Variants in MINDY3 observed in about 807,000 individuals in gnomAD.
The protein encoded by MINDY3 is ubiquitin carboxyl-terminal hydrolase MINDY-3.
In MINDY3, 38 loss-of-function variants were observed where a neutral mutation model predicts 69.2. The ratio of observed to expected loss-of-function variants is 0.55; its 90% CI spans 0.42 to 0.72. MINDY3 has a LOEUF of 0.72. Among genes scored for constraint, MINDY3 ranks in the 30% least tolerant of loss-of-function variants. MINDY3 has a pLI of 0.00. For missense variants in MINDY3, 522 were observed against 519.0 expected (o/e 1.01, Z -0.06); for synonymous variants, 192 against 180.1 (o/e 1.07, Z -0.53).
At position 15,783,475 on chromosome 10, in the gene MINDY3, T is replaced by C. The variant is rs990389401; in HGVS notation, c.1117-1249A>G. 2.6e-5 allele frequency among the ~76,000 whole-genome samples: 4 copies of C among 152,152 alleles called. No individual in the cohort carries two copies. The South Asian group carries it at 6.2e-4, about 24-fold the overall frequency. On this transcript the variant is annotated intron_variant, in intron 13 of 14. Coordinates refer to ENST00000277632, the MANE Select transcript of MINDY3 (RefSeq NM_024948.4). ...TTCATGATTTTTTTTTACTCTTCTC[T>C]AAAATGCCCTCCTCTCCTTCCTTTT...
At chr10:15,857,334 C>T (rs1050344415) in intron 1 of MINDY3, among the ~76,000 whole-genome samples, 7 of 152,096 alleles carry the variant, frequency 4.6e-5, no homozygotes, top group African/African-American at 1.7e-4. Context: ...GAGGCCTGAC[C>T]AGGACACCCC....
At chr10:15,810,706 T>C (rs900036148) in intron 10 of MINDY3, among the ~76,000 whole-genome samples, 2 of 152,084 alleles carry the variant, frequency 1.3e-5, no homozygotes, top group African/African-American at 4.8e-5. Context: ...CTCTAGGACC[T>C]GGCAAACAGT....
chr10:15,860,452 G>A lies in MINDY3; in HGVS notation c.-153C>T. On this transcript the variant is annotated 5_prime_UTR_variant, in exon 1 of 15. Transcript: ENST00000277632. ...AAGAAGGGGCTGAGAGCCACTTGCA[G>A]AGACCAAGCCTGTCAAGCCAGGTTG... is the stretch of plus-strand genomic sequence containing the variant. 2.9e-6 allele frequency: 2 copies of A among 681,306 alleles called. No individual in the cohort carries two copies. Among genetic ancestry groups the A allele is most frequent in the South Asian group, 3.2e-5 (2 of 63,188 alleles). The allele number at this position is 681,306 out of a possible 1,614,324, so 42.2% of individuals were successfully genotyped here. A position where few individuals can be genotyped will look rare whatever the true frequency, so the allele number is the denominator to read the frequency against.
intron 2 of MINDY3, among the ~76,000 whole-genome samples, chr10:15,845,725 T>G (rs908804384): frequency 1.3e-5 from 2 of 151,804 alleles, no homozygotes; most frequent in African/African-American, 2.4e-5. Flanking sequence ...CAGCCTGGTT[T>G]TGAACTCCTG....
chr10:15,782,101 C>G (rs879327486), intron 14 of MINDY3, 54 bp downstream of exon 14: 7 of 1,260,858 alleles, frequency 5.6e-6, no homozygotes, highest in Admixed American at 5.3e-5. Context: ...TACATACTCA[C>G]ATAATTATTT....
chr10:15,859,927 C>T (rs1003897964), intron 1 of MINDY3, among the ~76,000 whole-genome samples: 3 of 152,212 alleles, frequency 2.0e-5, no homozygotes, highest in African/African-American at 7.2e-5. Context: ...CCCTGCAACC[C>T]AGCAAGGGGC....
At chr10:15,845,318 T>C (rs1273656722) in intron 2 of MINDY3, among the ~76,000 whole-genome samples, 1 of 152,228 alleles carries the variant, frequency 6.6e-6, no homozygotes, top group African/African-American at 2.4e-5. Flanking sequence ...TCTATGATTG[T>C]ATTATGTATT....
intron 7 of MINDY3, among the ~76,000 whole-genome samples, chr10:15,834,290 G>T (rs1311706131): frequency 6.6e-6 from 1 of 151,872 alleles, no homozygotes; most frequent in South Asian, 2.1e-4. Context: ...ATTACAAATG[G>T]ATTTGTTAAA....
chr10:15,827,576 A>AT (rs1840178552), intron 8 of MINDY3, among the ~76,000 whole-genome samples: 1 of 149,520 alleles, frequency 6.7e-6, no homozygotes, highest in African/African-American at 2.5e-5. Flanking sequence ...AAATAAATAA[A>AT]AGCCTTGGAT....
At chr10:15,839,350 C>T (rs915989363) in intron 4 of MINDY3, among the ~76,000 whole-genome samples, 11 of 151,586 alleles carry the variant, frequency 7.3e-5, no homozygotes, top group South Asian at 2.1e-4. Flanking sequence ...TTCACTACTG[C>T]GAACAACTGT....
chr10:15,799,077 T>C (rs1205702408), intron 10 of MINDY3, among the ~76,000 whole-genome samples: 4 of 152,156 alleles, frequency 2.6e-5, no homozygotes, highest in Non-Finnish European at 4.4e-5. Context: ...GCAAAACACA[T>C]GGCCATGGCT....
intron 1 of MINDY3, chr10:15,857,922 G>C (rs1834810568): frequency 1.0e-6 from 1 of 983,574 alleles, no homozygotes; most frequent in Non-Finnish European, 1.2e-6. Context: ...CTTGCTTCCA[G>C]AAAACTAATG....
chr10:15,854,488 A>G (rs958425292), intron 1 of MINDY3, among the ~76,000 whole-genome samples: 2 of 152,120 alleles, frequency 1.3e-5, no homozygotes, highest in Non-Finnish European at 2.9e-5. Context: ...GTCCTCAATC[A>G]TTTTTAACAC....
At chr10:15,819,706 T>C (rs114871668) in intron 9 of MINDY3, among the ~76,000 whole-genome samples, 2,353 of 152,278 alleles carry the variant, frequency 0.015, 50 homozygotes, top group African/African-American at 0.051. Context: ...TCATTTGCAG[T>C]TGGAAGGAAC....
chr10:15,845,491 T>G (rs887343236), intron 2 of MINDY3, among the ~76,000 whole-genome samples: 1 of 152,064 alleles, frequency 6.6e-6, no homozygotes, highest in Non-Finnish European at 1.5e-5. Context: ...TTTACAAAGT[T>G]TACGTGACTC....
intron 13 of MINDY3, among the ~76,000 whole-genome samples, chr10:15,784,100 A>T (rs114241414): frequency 7.6e-4 from 116 of 152,282 alleles, no homozygotes; most frequent in African/African-American, 2.6e-3. Context: ...CTACTAAGAT[A>T]CCTAGTGTAT....
chr10:15,853,688 A>C (rs529754694), intron 1 of MINDY3, among the ~76,000 whole-genome samples: 1 of 152,254 alleles, frequency 6.6e-6, no homozygotes, highest in South Asian at 2.1e-4. Flanking sequence ...AGTTATCTCA[A>C]GGAAAAGTAT....
At chr10:15,806,839 T>C (rs1295586668) in intron 10 of MINDY3, among the ~76,000 whole-genome samples, 1 of 152,172 alleles carries the variant, frequency 6.6e-6, no homozygotes, top group African/African-American at 2.4e-5. Flanking sequence ...AGCTTTCACT[T>C]CATATCAGTC....
chr10:15,810,483 T>C (rs1229164813), intron 10 of MINDY3, among the ~76,000 whole-genome samples: 1 of 152,200 alleles, frequency 6.6e-6, no homozygotes, highest in Non-Finnish European at 1.5e-5. Context: ...TAGCAAAAGC[T>C]AGTTTTTCTA....
Sources: allele counts gnomAD v4.1 joint callset (sites outside exome capture counted in the v4.1 genomes callset), GRCh38; gene constraint gnomAD v4.1.1; transcripts MANE v1.5; gene names NCBI Gene and HGNC (gene_info 2026-07-23, HGNC 2026-07-21).